Variants in GABRB1 observed in about 807,000 individuals in gnomAD.
The protein encoded by GABRB1 is gamma-aminobutyric acid receptor subunit beta-1.
Under a neutral mutation model 51.6 loss-of-function variants are expected in GABRB1, and 17 were observed. The ratio of observed to expected loss-of-function variants is 0.33; its 90% CI spans 0.23 to 0.49. GABRB1 has a LOEUF of 0.49. Among genes scored for constraint, GABRB1 ranks in the 20% least tolerant of loss-of-function variants. The probability of loss-of-function intolerance (pLI) is 0.99; values close to 1 mark genes in which losing one functional copy is unlikely to be tolerated. For synonymous variants in GABRB1, 247 were observed against 218.9 expected, an observed-to-expected ratio of 1.13 and a Z score of -1.14; for missense variants, 410 against 600.6, an observed-to-expected ratio of 0.68 and a Z score of 3.32.
At chr4:47,276,086 A>T (rs4635792) in intron 4 of GABRB1, among the ~76,000 whole-genome samples, 133,457 of 152,158 alleles carry the variant, frequency 0.88, 58,702 homozygotes, top group East Asian at 0.98. Flanking sequence ...TTATTTGATG[A>T]GTTTTCAATA....
intron 3 of GABRB1, among the ~76,000 whole-genome samples, chr4:47,153,477 G>A (rs983649931): frequency 6.6e-5 from 10 of 151,892 alleles, no homozygotes; most frequent in Non-Finnish European, 1.5e-4. Flanking sequence ...CATCAAAAAA[G>A]ATTTTTACAT....
chr4:47,304,830 GAA>G (rs1724387271), intron 4 of GABRB1, among the ~76,000 whole-genome samples: 1 of 152,024 alleles, frequency 6.6e-6, no homozygotes, highest in Non-Finnish European at 1.5e-5. Flanking sequence ...AATTGTTCAT[GAA>G]GTTAGCATTC....
At chr4:47,041,220 T>C (rs994635366) in intron 3 of GABRB1, among the ~76,000 whole-genome samples, 2 of 152,136 alleles carry the variant, frequency 1.3e-5, no homozygotes, top group Admixed American at 1.3e-4. Context: ...AAAGTGACTC[T>C]CAGGACCTTT....
chr4:47,020,229 C>T (rs893479623), intron 1 of GABRB1, among the ~76,000 whole-genome samples: 3 of 151,966 alleles, frequency 2.0e-5, no homozygotes, highest in Non-Finnish European at 1.5e-5. Flanking sequence ...TATTAGGACC[C>T]CAACCTTTCT....
intron 8 of GABRB1, among the ~76,000 whole-genome samples, chr4:47,417,441 C>T (rs1323843257): frequency 3.3e-5 from 5 of 151,918 alleles, no homozygotes; most frequent in Admixed American, 2.6e-4. Flanking sequence ...AGCAGAACCT[C>T]CCATCTCCTC....
At chr4:47,333,076 C>A (rs999533155) in intron 5 of GABRB1, among the ~76,000 whole-genome samples, 1 of 145,898 alleles carries the variant, frequency 6.9e-6, no homozygotes, top group African/African-American at 2.5e-5. Context: ...TTTTAAAATT[C>A]ATATATATAA....
intron 3 of GABRB1, among the ~76,000 whole-genome samples, chr4:47,139,432 A>G (rs1445958167): frequency 1.3e-5 from 2 of 152,026 alleles, no homozygotes; most frequent in Non-Finnish European, 2.9e-5. Context: ...CAAACAAGGA[A>G]GCTGTATATT....
chr4:47,364,796 G>A (rs1369743899), intron 5 of GABRB1, among the ~76,000 whole-genome samples: 1 of 151,918 alleles, frequency 6.6e-6, no homozygotes, highest in East Asian at 1.9e-4. Flanking sequence ...CTTAGAAGAT[G>A]CGCATAAAAT....
chr4:47,072,965 TTAGAA>T (rs1400547512), intron 3 of GABRB1, among the ~76,000 whole-genome samples: 5 of 152,226 alleles, frequency 3.3e-5, no homozygotes, highest in Admixed American at 2.6e-4. Flanking sequence ...TGCAGCACAC[TTAGAA>T]TAGTTCATTT....
At chr4:47,088,336 G>C (rs1179844890) in intron 3 of GABRB1, among the ~76,000 whole-genome samples, 1 of 152,192 alleles carries the variant, frequency 6.6e-6, no homozygotes, top group Non-Finnish European at 1.5e-5. Flanking sequence ...TGAGATACAA[G>C]CATCTGGGTC....
At chr4:47,134,588 A>G (rs1716559906) in intron 3 of GABRB1, among the ~76,000 whole-genome samples, 1 of 152,192 alleles carries the variant, frequency 6.6e-6, no homozygotes, top group Non-Finnish European at 1.5e-5. Context: ...TTTCATAGGT[A>G]AATACTCTAT....
chr4:47,273,638 T>C (rs1722959127), intron 4 of GABRB1, among the ~76,000 whole-genome samples: 1 of 151,984 alleles, frequency 6.6e-6, no homozygotes, highest in Non-Finnish European at 1.5e-5. Flanking sequence ...GGCTGTGGGA[T>C]TAAATAATAA....
intron 5 of GABRB1, among the ~76,000 whole-genome samples, chr4:47,341,094 C>T (rs1578106776): frequency 1.3e-5 from 2 of 152,096 alleles, no homozygotes; most frequent in East Asian, 3.9e-4. Context: ...AGGACCCAGC[C>T]CTTGTGGCAC....
chr4:47,232,425 A>G (rs1032369202), intron 4 of GABRB1, among the ~76,000 whole-genome samples: 1 of 151,998 alleles, frequency 6.6e-6, no homozygotes, highest in Non-Finnish European at 1.5e-5. Flanking sequence ...TCCTCTGACA[A>G]TCCTTCAAAT....
chr4:47,355,626 G>A (rs1218480305), intron 5 of GABRB1, among the ~76,000 whole-genome samples: 1 of 152,170 alleles, frequency 6.6e-6, no homozygotes, highest in African/African-American at 2.4e-5. Flanking sequence ...TTGCCTCCCT[G>A]TCTTTGGCTA....
intron 3 of GABRB1, among the ~76,000 whole-genome samples, chr4:47,062,113 G>A (rs1039878314): frequency 6.6e-6 from 1 of 152,080 alleles, no homozygotes; most frequent in Non-Finnish European, 1.5e-5. Context: ...CTTACAATCT[G>A]ATGTGACACA....
chr4:47,308,594 C>G (rs893296660), intron 4 of GABRB1, among the ~76,000 whole-genome samples: 7 of 152,028 alleles, frequency 4.6e-5, no homozygotes, highest in African/African-American at 1.7e-4. Flanking sequence ...GACTGATTAC[C>G]TTTCAGTAAA....
At chr4:47,332,425 T>A (rs1408877171) in intron 5 of GABRB1, among the ~76,000 whole-genome samples, 1 of 152,232 alleles carries the variant, frequency 6.6e-6, no homozygotes, top group African/African-American at 2.4e-5. Flanking sequence ...AATGGACATA[T>A]TCTTATGAGG....
At chr4:47,361,235 C>T (rs115779810) in intron 5 of GABRB1, among the ~76,000 whole-genome samples, 1,806 of 152,064 alleles carry the variant, frequency 0.012, 35 homozygotes, top group African/African-American at 0.041. Context: ...TGTTCCTGGC[C>T]GTAACAACAA....
Sources: gnomAD v4.1 joint callset for allele counts (sites outside exome capture counted in the v4.1 genomes callset) on GRCh38, gnomAD v4.1.1 for gene constraint, MANE v1.5 for transcripts, NCBI Gene and HGNC (gene_info 2026-07-23, HGNC 2026-07-21) for gene names.